The following EFNA5 variants were observed in gnomAD, a reference collection of about 807,000 sequenced individuals.
EFNA5 encodes ephrin A5.
A neutral mutation model predicts 22.9 loss-of-function variants in EFNA5; 5 were observed. That is an observed-to-expected ratio of 0.22 (90% confidence interval 0.11 to 0.46). The LOEUF (loss-of-function observed/expected upper bound fraction) is 0.46, where lower values mean the gene tolerates loss of function less well. Among genes scored for constraint, EFNA5 ranks in the 20% least tolerant of loss-of-function variants. The pLI is 0.99. For synonymous variants in EFNA5, 113 were observed against 112.2 expected, an observed-to-expected ratio of 1.01 and a Z score of -0.04; for missense variants, 237 against 293.3, an observed-to-expected ratio of 0.81 and a Z score of 1.40.
intron 1 of EFNA5, among the ~76,000 whole-genome samples, 171 bp downstream of exon 1, chr5:107,670,318 G>A (rs950586750): frequency 3.3e-5 from 5 of 152,154 alleles, no homozygotes; most frequent in African/African-American, 1.2e-4. Flanking sequence ...TAACAAAGAG[G>A]GGCGCGACGC....
chr5:107,395,869 C>T (rs1747910671), intron 2 of EFNA5, among the ~76,000 whole-genome samples: 1 of 152,164 alleles, frequency 6.6e-6, no homozygotes, highest in Admixed American at 6.5e-5. Context: ...AACAAAAACT[C>T]CAACAAAAGG....
At chr5:107,391,635 C>T (rs1340802028) in intron 2 of EFNA5, among the ~76,000 whole-genome samples, 1 of 152,188 alleles carries the variant, frequency 6.6e-6, no homozygotes, top group East Asian at 1.9e-4. Flanking sequence ...CAAATTCACA[C>T]CCATTTACTC....
intron 2 of EFNA5, among the ~76,000 whole-genome samples, chr5:107,410,092 G>A (rs13361235): frequency 0.017 from 2,467 of 143,024 alleles, 69 homozygotes; most frequent in African/African-American, 0.061. Flanking sequence ...GCAGCGGCGC[G>A]ATCTCGGTTC....
At position 107,638,108 on chromosome 5, in the gene EFNA5, C is replaced by G. The variant is rs147669294; in HGVS notation, c.125+32381G>C. 8.4e-3 allele frequency among the ~76,000 whole-genome samples: 1,283 copies of G among 152,128 alleles called. 17 individuals carry two copies. The highest frequency in any genetic ancestry group is 0.03 in the African/African-American group (1,237 of 41,492). ...GACCTCATGATCCGTCCACCTTGGC[C>G]TCTCAAAGTGCTGGGATTACAGGCT... On this transcript the variant is annotated intron_variant, in intron 1 of 4. Coordinates refer to ENST00000333274, the MANE Select transcript of EFNA5 (RefSeq NM_001962.3).
In EFNA5 at chr5:107,415,192, T is replaced by TAC. The variant is rs1016440586; in HGVS notation, c.418+12023_418+12024dup. Among the ~76,000 whole-genome samples, 64 of 152,226 alleles carry TAC rather than the reference T, an allele frequency of 4.2e-4. 1 individual carries two copies. The highest frequency in any genetic ancestry group is 1.5e-3 in the African/African-American group (62 of 41,544). Reference sequence around the variant, plus strand: ...ATGGATGAGATTATATATATATATATACATATGGAATGGATAAGTGCTTAC... The same window carrying TAC: ...ATGGATGAGATTATATATATATATATACACATATGGAATGGATAAGTGCTTAC... On this transcript the variant is annotated intron_variant, in intron 2 of 4. Transcript: ENST00000333274.
intron 1 of EFNA5, among the ~76,000 whole-genome samples, chr5:107,591,980 TATA>T (rs1256942575): frequency 0.045 from 1,996 of 44,812 alleles, 119 homozygotes; most frequent in Non-Finnish European, 0.06. Flanking sequence ...ATATATAATA[TATA>T]ATATATAATA....
chr5:107,611,362 T>G (rs976897878), intron 1 of EFNA5, among the ~76,000 whole-genome samples: 2 of 152,210 alleles, frequency 1.3e-5, no homozygotes, highest in East Asian at 3.8e-4. Context: ...TGTGTCAGCA[T>G]ACACCTTTTT....
intron 1 of EFNA5, among the ~76,000 whole-genome samples, chr5:107,563,035 C>T (rs1350794643): frequency 6.6e-6 from 1 of 152,174 alleles, no homozygotes; most frequent in Non-Finnish European, 1.5e-5. Flanking sequence ...AGTAATCACC[C>T]ACCAGCTCTG....
chr5:107,414,591 A>AT (rs1748456974), intron 2 of EFNA5, among the ~76,000 whole-genome samples: 1 of 152,130 alleles, frequency 6.6e-6, no homozygotes, highest in Non-Finnish European at 1.5e-5. Flanking sequence ...GCCACTGTAG[A>AT]TTTTCTACAA....
chr5:107,413,441 A>G (rs981347950), intron 2 of EFNA5, among the ~76,000 whole-genome samples: 1 of 152,136 alleles, frequency 6.6e-6, no homozygotes, highest in Non-Finnish European at 1.5e-5. Context: ...GACAAGCACA[A>G]AAGGCACAGA....
intron 2 of EFNA5, among the ~76,000 whole-genome samples, chr5:107,389,408 G>A (rs1747725536): frequency 6.6e-6 from 1 of 152,318 alleles, no homozygotes; most frequent in Middle Eastern, 3.4e-3. Context: ...TCCTGAGGGA[G>A]TATATGTCTT....
chr5:107,527,344 T>C (rs765749856), intron 1 of EFNA5, among the ~76,000 whole-genome samples: 7 of 151,284 alleles, frequency 4.6e-5, no homozygotes, highest in Non-Finnish European at 1.0e-4. Context: ...TGGAATACAG[T>C]GGCGCAATCT....
intron 1 of EFNA5, among the ~76,000 whole-genome samples, chr5:107,481,241 G>A (rs1275119533): frequency 6.6e-6 from 1 of 152,122 alleles, no homozygotes; most frequent in African/African-American, 2.4e-5. Context: ...AGAGAAGAGA[G>A]GCTACAACAC....
chr5:107,524,238 G>T (rs1010174456), intron 1 of EFNA5, among the ~76,000 whole-genome samples: 2 of 152,212 alleles, frequency 1.3e-5, no homozygotes, highest in Non-Finnish European at 2.9e-5. Context: ...TGGCAGGCCA[G>T]ATTTGTGAGC....
rs551353849 is a variant in EFNA5 at position 107,377,840 on chromosome 5, G to C, written c.*3415C>G. ...CCTATCCTTTTCAAACCAACATGCT[G>C]GTGGAGAAGGGAGGGTGGGCCACAG... is the stretch of plus-strand genomic sequence containing the variant. On this transcript the variant is annotated 3_prime_UTR_variant, in exon 5 of 5. Coordinates refer to ENST00000333274, the MANE Select transcript of EFNA5 (RefSeq NM_001962.3). The C allele has an allele frequency of 6.6e-6, 1 of 152,352 alleles. No individual in the cohort carries two copies. The highest frequency in any genetic ancestry group is 2.1e-4 in the South Asian group (1 of 4,830). The allele number at this position is 152,352 out of a possible 1,614,324, so 9.4% of individuals were successfully genotyped here. A position where few individuals can be genotyped will look rare whatever the true frequency, so the allele number is the denominator to read the frequency against.
rs147894941 is a variant in EFNA5, at chr5:107,480,521, C to T, written c.126-53012G>A. On this transcript the variant is annotated intron_variant, in intron 1 of 4. Coordinates refer to ENST00000333274, the MANE Select transcript of EFNA5 (RefSeq NM_001962.3). ...AATGCGCCAGGCTATACGTAAAGCG[C>T]TGGCCTAGGCACTATATGGATCAAG... Among the ~76,000 whole-genome samples the T allele has an allele frequency of 1.3e-3, 191 of 152,312 alleles. 1 individual carries two copies. The highest frequency in any genetic ancestry group is 6.8e-3 in the Middle Eastern group (2 of 294).
At chr5:107,427,024 G>A in intron 2 of EFNA5, 193 bp downstream of exon 2, 1 of 616,126 alleles carries the variant, frequency 1.6e-6, no homozygotes. Flanking sequence ...CATAGGGGGA[G>A]ACGCGCTCTG....
chr5:107,624,363 T>C (rs543289652), intron 1 of EFNA5, among the ~76,000 whole-genome samples: 144 of 152,310 alleles, frequency 9.5e-4, no homozygotes, highest in African/African-American at 3.3e-3. Flanking sequence ...CACTACATGA[T>C]GGCAGACATA....
rs574574253 is a variant in EFNA5, at chr5:107,593,117, G to T, written c.125+77372C>A. The stretch of plus-strand genomic sequence containing the variant: ...TATGTAACTGTTTGCTATGTCCATG[G>T]CTATACATCAGCACCTGTTTTGAAA... On this transcript the variant is annotated intron_variant, in intron 1 of 4. Transcript: ENST00000333274. Among the ~76,000 whole-genome samples, 19 of 152,260 alleles carry T rather than the reference G, an allele frequency of 1.2e-4. No individual in the cohort carries two copies. In the South Asian group the frequency reaches 3.1e-3, roughly 25 times the overall value.
Sources: gnomAD v4.1 joint callset for allele counts (sites outside exome capture counted in the v4.1 genomes callset) on GRCh38, gnomAD v4.1.1 for gene constraint, MANE v1.5 for transcripts, NCBI Gene and HGNC (gene_info 2026-07-23, HGNC 2026-07-21) for gene names.